The following CERS4 variants were observed in gnomAD, a reference collection of about 807,000 sequenced individuals.
The protein encoded by CERS4 is LAG1 homolog, ceramide synthase 4.
In CERS4, 65 loss-of-function variants were observed where a neutral mutation model predicts 51.8. That is an observed-to-expected ratio of 1.26 (90% CI 1.03 to 1.54). The LOEUF is 1.54. CERS4 is among the 40% of genes most tolerant of loss of function. CERS4 has a pLI of 0.00. For missense variants in CERS4, 563 were observed against 500.4 expected (o/e 1.13, Z -1.19); for synonymous variants, 228 against 208.4 (o/e 1.09, Z -0.81).
intron 2 of CERS4, among the ~76,000 whole-genome samples, chr19:8,242,469 T>C (rs1328312227): frequency 6.6e-6 from 1 of 152,142 alleles, no homozygotes; most frequent in African/African-American, 2.4e-5. Flanking sequence ...CTGGTTATGC[T>C]TCCTTCTCCA....
chr19:8,250,988 G>A, intron 2 of CERS4, 88 bp from the exon 3 acceptor site: 1 of 1,491,950 alleles, frequency 6.7e-7, no homozygotes, highest in Non-Finnish European at 8.9e-7. Context: ...GCCCGAGTAG[G>A]AGTTCTGAGG....
chr19:8,237,807 C>T (rs924519196), intron 2 of CERS4, among the ~76,000 whole-genome samples: 11 of 151,480 alleles, frequency 7.3e-5, no homozygotes, highest in African/African-American at 1.9e-4. Context: ...GCCGAGATTG[C>T]GCCACTGCAC....
chr19:8,262,221 C>A lies in CERS4; in HGVS notation c.*112C>A, dbSNP rs972501046. Reference sequence around the variant, plus strand: ...TTTCTGGAGACAGGGAGGGCCCCACCCGGGGTGGGTGGGAAGGCTGATGAT... The same window carrying A: ...TTTCTGGAGACAGGGAGGGCCCCACACGGGGTGGGTGGGAAGGCTGATGAT... On this transcript the variant is annotated 3_prime_UTR_variant, in exon 12 of 12. Transcript: ENST00000251363. 3 of 1,213,690 alleles carry A rather than the reference C, an allele frequency of 2.5e-6. No homozygotes were observed. The highest frequency in any genetic ancestry group is 2.1e-5 in the South Asian group (1 of 47,512). 75.2% of individuals were successfully genotyped at this position (1,213,690 alleles called of 1,614,324 possible). A position where few individuals can be genotyped will look rare whatever the true frequency, so the allele number is the denominator to read the frequency against.
intron 2 of CERS4, among the ~76,000 whole-genome samples, chr19:8,247,263 C>T (rs970438313): frequency 1.3e-5 from 2 of 152,048 alleles, no homozygotes; most frequent in African/African-American, 4.8e-5. Context: ...CCCCTCCTCC[C>T]TCTCTCCCCC....
rs1486931363 is a variant in CERS4, at chr19:8,261,801, GC to G, written c.964del (p.Leu322SerfsTer10). ...CAGCTGCTGCACGTGTTCTGGTCTT[GC>G]CTCATTCTGCGCATGCTCTATAGCT... ...LLQLLHVFWS[C>X]LILRMLYSFM... is the part of the protein sequence containing the mutation. On this transcript the variant is annotated frameshift_variant, in exon 11 of 12. Transcript: ENST00000251363. LOFTEE classifies it low-confidence loss of function (END_TRUNC). 9.3e-6 allele frequency: 15 copies of G among 1,614,040 alleles called. No individual in the cohort carries two copies. Among genetic ancestry groups the G allele is most frequent in the Non-Finnish European group, 1.3e-5 (15 of 1,180,010 alleles).
intron 4 of CERS4, 42 bp downstream of exon 4, chr19:8,254,658 G>A (rs1395857140): frequency 6.5e-7 from 1 of 1,534,734 alleles, no homozygotes; most frequent in African/African-American, 1.4e-5. Context: ...TACTGCCCTG[G>A]GGGTGGGGCG....
At position 8,233,181 on chromosome 19, in the gene CERS4, T is replaced by G. The variant is rs80288551; in HGVS notation, c.-1-17895T>G. On this transcript the variant is annotated intron_variant, in intron 2 of 11. Transcript: ENST00000251363. ...CCACCACACTCGGCTAATTTTTTTT[T>G]GGGGGGCGGAGTCTTGCTCTGTCAC... Among the ~76,000 whole-genome samples the G allele has an allele frequency of 4.8e-3, 731 of 151,938 alleles. 6 individuals carry two copies. Among genetic ancestry groups the G allele is most frequent in the African/African-American group, 0.014 (580 of 41,444 alleles).
chr19:8,257,837 G>C, intron 9 of CERS4, 42 bp from the exon 10 acceptor site: 1 of 1,508,006 alleles, frequency 6.6e-7, no homozygotes, highest in Non-Finnish European at 9.2e-7. Flanking sequence ...TTGAGACCAG[G>C]GCCCTGGTCC....
intron 2 of CERS4, among the ~76,000 whole-genome samples, chr19:8,219,758 G>A (rs578001190): frequency 6.6e-6 from 1 of 152,172 alleles, no homozygotes; most frequent in Non-Finnish European, 1.5e-5. Context: ...GGTGGAGGTT[G>A]CAATGAGCTA....
Position 8,221,913 on chromosome 19 carries a change from G to C in CERS4, c.-2+11051G>C, listed in dbSNP as rs1967577619. ...TTTTTTTTTTTTGAGACAGAGGCTT[G>C]CTCTGTCGCCCAGGCTGGAGTGCAG... is the stretch of plus-strand genomic sequence containing the variant. On this transcript the variant is annotated intron_variant, in intron 2 of 11. Coordinates refer to ENST00000251363, the MANE Select transcript of CERS4 (RefSeq NM_024552.3). Among the ~76,000 whole-genome samples the C allele has an allele frequency of 3.0e-5, 3 of 99,338 alleles. No individual in the cohort carries two copies. The South Asian group carries it at 1.1e-3, about 37-fold the overall frequency. The allele number at this position is 99,338 out of a possible 152,430, so 65.2% of individuals were successfully genotyped here. A position where few individuals can be genotyped will look rare whatever the true frequency, so the allele number is the denominator to read the frequency against.
At chr19:8,237,990 C>T (rs1328487711) in intron 2 of CERS4, among the ~76,000 whole-genome samples, 3 of 152,140 alleles carry the variant, frequency 2.0e-5, no homozygotes, top group Non-Finnish European at 2.9e-5. Flanking sequence ...CACACTCCCA[C>T]GTGTATACTT....
At position 8,254,672 on chromosome 19, in the gene CERS4, G is replaced by A. The variant is rs113477948; in HGVS notation, c.291+56G>A. 9.4e-6 allele frequency: 14 copies of A among 1,488,944 alleles called. No individual in the cohort carries two copies. The African/African-American group carries it at 1.4e-4, about 15-fold the overall frequency. The allele number at this position is 1,488,944 out of a possible 1,614,324, so 92.2% of individuals were successfully genotyped here. A position where few individuals can be genotyped will look rare whatever the true frequency, so the allele number is the denominator to read the frequency against. ...CTACTGCCCTGGGGGTGGGGCGTGG[G>A]GATGGTGTGTGGCCCATTTGTTGGG... On this transcript the variant is annotated intron_variant, in intron 4 of 11. Coordinates refer to ENST00000251363, the MANE Select transcript of CERS4 (RefSeq NM_024552.3).
intron 2 of CERS4, among the ~76,000 whole-genome samples, chr19:8,216,207 C>A (rs536213262): frequency 6.6e-6 from 1 of 151,820 alleles, no homozygotes; most frequent in African/African-American, 2.4e-5. Flanking sequence ...GGTGAAACCC[C>A]GTCTCTACTA....
Position 8,256,227 on chromosome 19 carries a change from T to C in CERS4, c.469-9T>C. 1 of 1,610,862 alleles carries C rather than the reference T, an allele frequency of 6.2e-7. No individual in the cohort carries two copies. The highest frequency in any genetic ancestry group is 1.7e-5 in the Admixed American group (1 of 59,378). On this transcript the variant is annotated splice_polypyrimidine_tract_variant and intron_variant, in intron 6 of 11. Coordinates refer to ENST00000251363, the MANE Select transcript of CERS4 (RefSeq NM_024552.3). The stretch of plus-strand genomic sequence containing the variant: ...ACCTCTGCACAGCCTGACACCCATT[T>C]CCCTGCAGGAGTCATGGCTGTGGGC...
chr19:8,242,450 A>C (rs1377406869), intron 2 of CERS4, among the ~76,000 whole-genome samples: 1 of 152,054 alleles, frequency 6.6e-6, no homozygotes, highest in African/African-American at 2.4e-5. Context: ...AGGAGAGGAG[A>C]GTTTAGAACT....
chr19:8,238,895 G>A lies in CERS4; in HGVS notation c.-1-12181G>A, dbSNP rs187996651. 2.0e-5 allele frequency among the ~76,000 whole-genome samples: 3 copies of A among 152,080 alleles called. No individual in the cohort carries two copies. In the East Asian group the frequency reaches 5.8e-4, roughly 29 times the overall value. On this transcript the variant is annotated intron_variant, in intron 2 of 11. Coordinates refer to ENST00000251363, the MANE Select transcript of CERS4 (RefSeq NM_024552.3). The stretch of plus-strand genomic sequence containing the variant: ...GGGAGAATGGCTCAAGACCAGGAGT[G>A]CAAGACCAGCCTGGGCAACATACCA...
chr19:8,234,231 A>G (rs926040645), intron 2 of CERS4, among the ~76,000 whole-genome samples: 4 of 152,250 alleles, frequency 2.6e-5, no homozygotes, highest in Non-Finnish European at 4.4e-5. Context: ...GCGTGAACCC[A>G]GGAGGCAGAG....
chr19:8,254,685 C>T (rs1969279428), intron 4 of CERS4, 69 bp downstream of exon 4: 1 of 1,414,986 alleles, frequency 7.1e-7, no homozygotes, highest in South Asian at 1.2e-5. Context: ...TGGTGTGTGG[C>T]CCATTTGTTG....
intron 2 of CERS4, among the ~76,000 whole-genome samples, chr19:8,223,952 A>T (rs1469676862): frequency 6.6e-6 from 1 of 151,330 alleles, no homozygotes; most frequent in Non-Finnish European, 1.5e-5. Flanking sequence ...TACAAAAAAA[A>T]TTAGCCGGGC....
Sources: allele counts gnomAD v4.1 joint callset (sites outside exome capture counted in the v4.1 genomes callset), GRCh38; gene constraint gnomAD v4.1.1; transcripts MANE v1.5; gene names NCBI Gene and HGNC (gene_info 2026-07-23, HGNC 2026-07-21).